Variants in NARS2 observed in about 807,000 individuals in gnomAD.
The protein encoded by NARS2 is asparaginyl-tRNA synthetase 2, mitochondrial.
Under a neutral mutation model 62.9 loss-of-function variants are expected in NARS2, and 60 were observed. The ratio of observed to expected loss-of-function variants is 0.95; its 90% CI spans 0.77 to 1.18. NARS2 has a LOEUF of 1.18. Among genes scored for constraint, NARS2 ranks in the 50% most tolerant of loss-of-function variants. The probability of loss-of-function intolerance (pLI) is 0.00; values close to 1 mark genes in which losing one functional copy is unlikely to be tolerated. For missense variants in NARS2, 619 were observed against 576.4 expected (o/e 1.07, Z -0.76); for synonymous variants, 196 against 200.0 (o/e 0.98, Z 0.17).
chr11:78,489,882 C>G (rs544359222), intron 7 of NARS2, among the ~76,000 whole-genome samples: 3 of 152,030 alleles, frequency 2.0e-5, no homozygotes, highest in South Asian at 4.2e-4. Context: ...CAGTGAGATC[C>G]TGTTTCTATA....
At chr11:78,567,505 A>G (rs1009637278) in intron 3 of NARS2, among the ~76,000 whole-genome samples, 1 of 152,218 alleles carries the variant, frequency 6.6e-6, no homozygotes, top group African/African-American at 2.4e-5. Context: ...AGGTTGAACT[A>G]CTACAGTGAA....
intron 3 of NARS2, 21 bp from the exon 4 acceptor site, chr11:78,566,293 C>G (rs2135534456): frequency 1.3e-6 from 2 of 1,563,526 alleles, no homozygotes; most frequent in East Asian, 4.6e-5. Flanking sequence ...ATGAAAAGAA[C>G]AAATTAGAAG....
chr11:78,498,203 C>CAG (rs1451653016), intron 6 of NARS2, among the ~76,000 whole-genome samples: 6 of 152,120 alleles, frequency 3.9e-5, no homozygotes, highest in Non-Finnish European at 7.3e-5. Context: ...TGGAAAGGAC[C>CAG]AGAACATGCA....
chr11:78,463,558 C>T (rs909134333), intron 11 of NARS2, among the ~76,000 whole-genome samples: 5 of 151,862 alleles, frequency 3.3e-5, no homozygotes. Flanking sequence ...TGGCGGCACA[C>T]GCCTATAATC....
intron 11 of NARS2, among the ~76,000 whole-genome samples, chr11:78,452,895 G>A (rs977551174): frequency 6.6e-6 from 1 of 152,160 alleles, no homozygotes; most frequent in Non-Finnish European, 1.5e-5. Flanking sequence ...ATAATTCAAA[G>A]AGAAAGGAAG....
chr11:78,536,787 A>C (rs527283203), intron 5 of NARS2, among the ~76,000 whole-genome samples: 1 of 152,202 alleles, frequency 6.6e-6, no homozygotes, highest in Non-Finnish European at 1.5e-5. Flanking sequence ...AGTTTGCAGT[A>C]ATGTCCTAGG....
rs1856488221 is a variant in NARS2, at chr11:78,559,618, T to C, written c.515A>G (p.Asp172Gly). ...AGTATGAATATGTACAAAGCCACTG[T>C]CCTGAAAAAGAAAACCACTGTTTTC... Reference protein sequence around the residue: ...ATAAIHSFFKDSGFVHIHTPI... With the variant: ...ATAAIHSFFKGSGFVHIHTPI... Residue 172 changes from aspartate (D) to glycine (G), a missense_variant and splice_region_variant, in exon 5 of 14, where the codon GAC becomes GGC. By Grantham distance (94) the Asp-to-Gly change is moderately conservative. Coordinates refer to ENST00000281038, the MANE Select transcript of NARS2 (RefSeq NM_024678.6). The C allele has an allele frequency of 6.2e-7, 1 of 1,608,076 alleles. No individual in the cohort carries two copies. Among genetic ancestry groups the C allele is most frequent in the Non-Finnish European group, 8.5e-7 (1 of 1,175,060 alleles).
At chr11:78,557,751 T>C (rs1411728635) in intron 5 of NARS2, among the ~76,000 whole-genome samples, 1 of 150,306 alleles carries the variant, frequency 6.7e-6, no homozygotes, top group Admixed American at 6.6e-5. Context: ...TCTGATAATT[T>C]GTCTTAGGTT....
At chr11:78,510,961 C>T (rs1215247246) in intron 6 of NARS2, among the ~76,000 whole-genome samples, 1 of 152,178 alleles carries the variant, frequency 6.6e-6, no homozygotes, top group Non-Finnish European at 1.5e-5. Flanking sequence ...AAAATCTAAC[C>T]TATGGGGACA....
chr11:78,537,764 C>CTGCA (rs1391657647), intron 5 of NARS2, among the ~76,000 whole-genome samples: 1 of 152,246 alleles, frequency 6.6e-6, no homozygotes, highest in African/African-American at 2.4e-5. Context: ...CACCACTGCA[C>CTGCA]TGCAGCCTTG....
chr11:78,510,775 C>CA (rs544541654), intron 6 of NARS2, among the ~76,000 whole-genome samples: 3 of 151,736 alleles, frequency 2.0e-5, no homozygotes, highest in Non-Finnish European at 2.9e-5. Flanking sequence ...ACAACAAATG[C>CA]AAAAAAAGAG....
rs1196216920 is a variant in NARS2 at position 78,457,736 on chromosome 11, T to C, written c.1164+8140A>G. 2.6e-5 allele frequency among the ~76,000 whole-genome samples: 4 copies of C among 152,054 alleles called. No homozygotes were observed. The Middle Eastern group carries it at 9.5e-3, about 361-fold the overall frequency. ...TTTCCCAGTACTGTTGAAGGTAAGATACTTGTGAGTGCGATCTATGAGAGA... is the reference window on the plus strand; with the variant it reads ...TTTCCCAGTACTGTTGAAGGTAAGACACTTGTGAGTGCGATCTATGAGAGA... On this transcript the variant is annotated intron_variant, in intron 11 of 13. Coordinates refer to ENST00000281038, the MANE Select transcript of NARS2 (RefSeq NM_024678.6).
intron 6 of NARS2, among the ~76,000 whole-genome samples, chr11:78,524,039 T>C (rs1363014173): frequency 6.6e-5 from 10 of 152,120 alleles, no homozygotes; most frequent in Admixed American, 5.9e-4. Context: ...ACTTGCTATG[T>C]TTAAATTCTC....
chr11:78,456,342 TTAA>T (rs1858162468), intron 11 of NARS2, among the ~76,000 whole-genome samples: 1 of 152,198 alleles, frequency 6.6e-6, no homozygotes, highest in Non-Finnish European at 1.5e-5. Flanking sequence ...ATTCAAAGTA[TTAA>T]TATAAAATAT....
intron 2 of NARS2, among the ~76,000 whole-genome samples, chr11:78,570,105 G>C (rs2135544092): frequency 6.6e-6 from 1 of 152,144 alleles, no homozygotes; most frequent in East Asian, 1.9e-4. Context: ...CACGAGAATT[G>C]CCCGAACTCA....
At chr11:78,540,227 T>C (rs1855559083) in intron 5 of NARS2, among the ~76,000 whole-genome samples, 1 of 152,236 alleles carries the variant, frequency 6.6e-6, no homozygotes. Flanking sequence ...CCAGTGAATT[T>C]CTTACCACAC....
intron 6 of NARS2, among the ~76,000 whole-genome samples, chr11:78,503,899 G>T (rs1860382637): frequency 6.6e-6 from 1 of 152,204 alleles, no homozygotes; most frequent in Non-Finnish European, 1.5e-5. Context: ...GCCAGGCCTT[G>T]TAGGCTGCAT....
intron 6 of NARS2, among the ~76,000 whole-genome samples, chr11:78,504,433 A>AGTTT (rs755679224): frequency 1.4e-4 from 3 of 20,814 alleles, no homozygotes; most frequent in African/African-American, 5.5e-4. Context: ...GCAAAACACC[A>AGTTT]GTTTTTTTTT....
At position 78,475,526 on chromosome 11, in the gene NARS2, G is replaced by C. The variant is rs142195667; in HGVS notation, c.959+2912C>G. On this transcript the variant is annotated intron_variant, in intron 9 of 13. Coordinates refer to ENST00000281038, the MANE Select transcript of NARS2 (RefSeq NM_024678.6). Reference sequence around the variant, plus strand: ...CTACTAATTTACATTGCCACTAACAGTTATAAAAGGGTTCCCAAGCGCCAC... The same window carrying C: ...CTACTAATTTACATTGCCACTAACACTTATAAAAGGGTTCCCAAGCGCCAC... Among the ~76,000 whole-genome samples the C allele has an allele frequency of 5.3e-3, 775 of 145,392 alleles. 8 individuals carry two copies. Among genetic ancestry groups the C allele is most frequent in the Non-Finnish European group, 4.9e-3 (327 of 66,564 alleles).
Sources: allele counts gnomAD v4.1 joint callset (sites outside exome capture counted in the v4.1 genomes callset), GRCh38; gene constraint gnomAD v4.1.1; transcripts MANE v1.5; gene names NCBI Gene and HGNC (gene_info 2026-07-23, HGNC 2026-07-21).